Variants in BLTP1 observed in about 807,000 individuals in gnomAD.
BLTP1 encodes bridge-like lipid transfer protein family member 1, also known as fragile site-associated protein.
At chr4:122,316,456 C>T in the BLTP1 span, 2 of 491,690 alleles carry the variant, frequency 4.1e-6, no homozygotes, top group Non-Finnish European at 8.3e-6. Context: ...CCATTCTGTT[C>T]CTGCAGAGTA....
At chr4:122,200,989 A>G in the BLTP1 span, 1 of 1,589,588 alleles carries the variant, frequency 6.3e-7, no homozygotes, top group Non-Finnish European at 8.5e-7. Flanking sequence ...AATTACTTTT[A>G]CCTAACATTT....
the BLTP1 span, chr4:122,268,987 C>T: frequency 2.2e-5 from 7 of 320,060 alleles, no homozygotes; most frequent in Non-Finnish European, 3.2e-5. Flanking sequence ...TTTGTATCGC[C>T]TTATTGGGAG....
At chr4:122,282,787 T>C in the BLTP1 span, among the ~76,000 whole-genome samples, 1 of 152,250 alleles carries the variant, frequency 6.6e-6, no homozygotes, top group East Asian at 1.9e-4. Context: ...TTTTGAACTT[T>C]GTTTATATGG....
At chr4:122,321,608 AACTT>A in the BLTP1 span, among the ~76,000 whole-genome samples, 1 of 152,032 alleles carries the variant, frequency 6.6e-6, no homozygotes, top group South Asian at 2.1e-4. Context: ...ATTTTGAACA[AACTT>A]ACCTGTTAGG....
chr4:122,176,531 C>T, the BLTP1 span, among the ~76,000 whole-genome samples: 1 of 152,070 alleles, frequency 6.6e-6, no homozygotes, highest in African/African-American at 2.4e-5. Flanking sequence ...CACTACCACT[C>T]ATGTTTTAAA....
the BLTP1 span, chr4:122,189,838 C>T: frequency 3.2e-6 from 3 of 929,218 alleles, no homozygotes; most frequent in African/African-American, 1.8e-5. Flanking sequence ...GATGATTGTT[C>T]ATTGGAAAGA....
the BLTP1 span, among the ~76,000 whole-genome samples, chr4:122,236,603 TTTG>T: frequency 2.6e-5 from 4 of 152,186 alleles, no homozygotes; most frequent in Non-Finnish European, 5.9e-5. Context: ...TTGAAGCCAC[TTTG>T]TTGTTCTCTC....
chr4:122,360,118 A>G, the BLTP1 span: 3 of 886,568 alleles, frequency 3.4e-6, no homozygotes, highest in Non-Finnish European at 2.7e-6. Flanking sequence ...TTGTTAAGGA[A>G]CTATTTTAAT....
At chr4:122,234,978 C>G in the BLTP1 span, 1 of 1,605,894 alleles carries the variant, frequency 6.2e-7, no homozygotes, top group Non-Finnish European at 8.5e-7. Flanking sequence ...TCTGCTACAG[C>G]CTGGAGAATG....
At chr4:122,267,741 A>G in the BLTP1 span, 3 of 340,868 alleles carry the variant, frequency 8.8e-6, no homozygotes, top group Non-Finnish European at 1.2e-5. Flanking sequence ...ATGGTTCTTC[A>G]GTTTCTTTAG....
At chr4:122,284,653 T>G in the BLTP1 span, among the ~76,000 whole-genome samples, 1 of 152,230 alleles carries the variant, frequency 6.6e-6, no homozygotes. Flanking sequence ...TATGGTCAAC[T>G]GTAGTCCAAA....
the BLTP1 span, chr4:122,201,115 A>G: frequency 6.2e-7 from 1 of 1,609,118 alleles, no homozygotes. Flanking sequence ...GCACAGAAAA[A>G]CTTCTTTACA....
the BLTP1 span, chr4:122,219,296 C>T: frequency 5.0e-6 from 8 of 1,594,500 alleles, no homozygotes; most frequent in South Asian, 2.3e-5. Flanking sequence ...AATATATTTA[C>T]ATACCTCTTT....
the BLTP1 span, chr4:122,324,554 C>A: frequency 1.3e-6 from 2 of 1,568,084 alleles, no homozygotes; most frequent in Non-Finnish European, 1.7e-6. Context: ...ATATTTCAGC[C>A]ATTGAAACAA....
At chr4:122,192,151 T>C in the BLTP1 span, 2 of 1,489,452 alleles carry the variant, frequency 1.3e-6, no homozygotes, top group Non-Finnish European at 1.8e-6. Flanking sequence ...CCAAAAAATG[T>C]TGGAGCTACT....
At chr4:122,208,092 A>G in the BLTP1 span, 2 of 984,770 alleles carry the variant, frequency 2.0e-6, no homozygotes, top group Non-Finnish European at 2.4e-6. Context: ...ATGGATAACC[A>G]GTAGTACTTG....
chr4:122,278,817 A>G, the BLTP1 span, among the ~76,000 whole-genome samples: 1 of 152,112 alleles, frequency 6.6e-6, no homozygotes, highest in Non-Finnish European at 1.5e-5. Context: ...TTTTTTCTAG[A>G]GATGGGTTTT....
the BLTP1 span, among the ~76,000 whole-genome samples, chr4:122,310,464 G>T: frequency 1.3e-5 from 2 of 152,072 alleles, no homozygotes; most frequent in Non-Finnish European, 2.9e-5. Flanking sequence ...CCAAAGAAAT[G>T]GTTAAACCTG....
At chr4:122,292,951 G>C in the BLTP1 span, 2 of 457,238 alleles carry the variant, frequency 4.4e-6, no homozygotes, top group Admixed American at 6.4e-5. Flanking sequence ...TACCCCAAAG[G>C]CTAATCCAAA....
Sources: allele counts gnomAD v4.1 joint callset (sites outside exome capture counted in the v4.1 genomes callset), GRCh38; gene constraint gnomAD v4.1.1; transcripts MANE v1.5; gene names NCBI Gene and HGNC (gene_info 2026-07-23, HGNC 2026-07-21).